The following TUSC3 variants were observed in gnomAD, a reference collection of about 807,000 sequenced individuals.
TUSC3 encodes the protein dolichyl-diphosphooligosaccharide--protein glycosyltransferase subunit TUSC3.
TUSC3 carries 45 observed loss-of-function variants against 44.8 expected under a neutral mutation model. The ratio of observed to expected loss-of-function variants is 1.00; its 90% CI spans 0.79 to 1.29. The LOEUF (loss-of-function observed/expected upper bound fraction) is 1.29. Among genes scored for constraint, TUSC3 ranks in the 50% most tolerant of loss-of-function variants. The pLI is 0.00. For missense variants in TUSC3, 519 were observed against 437.9 expected, an observed-to-expected ratio of 1.19 and a Z score of -1.65; for synonymous variants, 212 against 152.9, an observed-to-expected ratio of 1.39 and a Z score of -2.85.
intron 10 of TUSC3, among the ~76,000 whole-genome samples, chr8:15,759,749 T>G (rs182124984): frequency 2.6e-5 from 4 of 152,150 alleles, no homozygotes; most frequent in African/African-American, 9.7e-5. Context: ...TGAATATACA[T>G]TATCAAGTCC....
chr8:15,487,869 T>C (rs971642205), intron 2 of TUSC3, among the ~76,000 whole-genome samples: 7 of 151,848 alleles, frequency 4.6e-5, no homozygotes, highest in African/African-American at 1.7e-4. Flanking sequence ...TTTACTTTAG[T>C]GTTTTCATTA....
the TUSC3 span, among the ~76,000 whole-genome samples, chr8:15,829,388 C>T: frequency 7.9e-5 from 12 of 152,192 alleles, no homozygotes; most frequent in African/African-American, 2.6e-4. Flanking sequence ...ATGACAGGGG[C>T]CATTTTTTTT....
intron 2 of TUSC3, among the ~76,000 whole-genome samples, chr8:15,485,252 C>G (rs184890151): frequency 2.2e-4 from 33 of 152,296 alleles, no homozygotes; most frequent in Non-Finnish European, 2.8e-4. Context: ...GTGCAGCATT[C>G]TCATTATCAG....
At chr8:15,783,233 TG>T in the TUSC3 span, among the ~76,000 whole-genome samples, 1 of 152,352 alleles carries the variant, frequency 6.6e-6, no homozygotes, top group South Asian at 2.1e-4. Flanking sequence ...ATGTATCCCA[TG>T]TTCATGGATT....
chr8:15,514,855 C>G (rs1034043897), intron 2 of TUSC3, among the ~76,000 whole-genome samples: 9 of 152,182 alleles, frequency 5.9e-5, no homozygotes, highest in Admixed American at 3.3e-4. Flanking sequence ...TCAACTCTCT[C>G]AGCCTCAGAT....
At position 15,698,114 on chromosome 8, in the gene TUSC3, C is replaced by T. The variant is rs193005327; in HGVS notation, c.798+24278C>T. The stretch of plus-strand genomic sequence containing the variant: ...TTTTATTTTATCCCTTAAAATGAAT[C>T]TTAAAAAATACTATTGAAGTTTATA... On this transcript the variant is annotated intron_variant, in intron 6 of 10. Transcript: ENST00000503731. Among the ~76,000 whole-genome samples the T allele has an allele frequency of 1.8e-3, 268 of 152,228 alleles. 3 individuals are homozygous for T. Among genetic ancestry groups the T allele is most frequent in the South Asian group, 5.0e-3 (24 of 4,822 alleles).
chr8:15,606,338 G>A (rs1012236687), intron 1 of TUSC3, among the ~76,000 whole-genome samples: 2 of 151,924 alleles, frequency 1.3e-5, no homozygotes, highest in Non-Finnish European at 2.9e-5. Context: ...TAAGAATATT[G>A]CATATAATAC....
chr8:15,474,927 G>A (rs1443974299), intron 1 of TUSC3, among the ~76,000 whole-genome samples: 1 of 152,130 alleles, frequency 6.6e-6, no homozygotes, highest in Admixed American at 6.5e-5. Flanking sequence ...GCTAATTAAA[G>A]CAATTTCTTA....
chr8:15,542,089 G>C (rs1801712471), intron 1 of TUSC3, among the ~76,000 whole-genome samples: 1 of 151,706 alleles, frequency 6.6e-6, no homozygotes, highest in Admixed American at 6.6e-5. Flanking sequence ...TCAGGGTACA[G>C]CTGGCTTTTA....
chr8:15,759,737 C>G (rs528271377), intron 10 of TUSC3, among the ~76,000 whole-genome samples: 1 of 152,182 alleles, frequency 6.6e-6, no homozygotes, highest in Non-Finnish European at 1.5e-5. Flanking sequence ...ATTTCTCAGT[C>G]CTGAATATAC....
chr8:15,586,090 T>A (rs1803589820), intron 1 of TUSC3, among the ~76,000 whole-genome samples: 1 of 144,514 alleles, frequency 6.9e-6, no homozygotes, highest in East Asian at 2.2e-4. Context: ...ATTTTAAAGA[T>A]GGAATGATTA....
chr8:15,447,165 A>C (rs1800116686), intron 1 of TUSC3, among the ~76,000 whole-genome samples: 1 of 152,178 alleles, frequency 6.6e-6, no homozygotes, highest in Non-Finnish European at 1.5e-5. Flanking sequence ...ATAAAGAAAA[A>C]TATCAAGAAT....
At chr8:15,825,203 T>C in the TUSC3 span, among the ~76,000 whole-genome samples, 2 of 152,076 alleles carry the variant, frequency 1.3e-5, no homozygotes, top group African/African-American at 2.4e-5. Context: ...ACCTACTATG[T>C]TTTAGGCTGT....
At chr8:15,602,387 TACTA>T (rs1804326755) in intron 1 of TUSC3, among the ~76,000 whole-genome samples, 1 of 151,670 alleles carries the variant, frequency 6.6e-6, no homozygotes, top group African/African-American at 2.4e-5. Context: ...TGAGGAAAAA[TACTA>T]AATAAGTTTT....
chr8:15,497,550 G>T (rs1223012943), intron 2 of TUSC3, among the ~76,000 whole-genome samples: 1 of 152,134 alleles, frequency 6.6e-6, no homozygotes, highest in Non-Finnish European at 1.5e-5. Flanking sequence ...CTTCGGAGGG[G>T]TGGCATTTAA....
At chr8:15,768,153 T>C (rs1812379067), downstream of TUSC3, among the ~76,000 whole-genome samples, 1 of 90,944 alleles carries the variant, frequency 1.1e-5, no homozygotes, top group South Asian at 3.3e-4. Context: ...ATTTTTCTTT[T>C]TATCTTTTTT....
At chr8:15,779,682 G>T in the TUSC3 span, among the ~76,000 whole-genome samples, 1 of 152,154 alleles carries the variant, frequency 6.6e-6, no homozygotes, top group African/African-American at 2.4e-5. Context: ...AGTATCAAAA[G>T]TTAGTCTTTT....
chr8:15,547,056 G>T (rs981052397), intron 1 of TUSC3, among the ~76,000 whole-genome samples: 5 of 151,404 alleles, frequency 3.3e-5, no homozygotes, highest in Non-Finnish European at 7.4e-5. Context: ...AATTATTTAT[G>T]GTATATTTAT....
chr8:15,601,135 A>G (rs545893789), intron 1 of TUSC3, among the ~76,000 whole-genome samples: 1 of 151,858 alleles, frequency 6.6e-6, no homozygotes, highest in East Asian at 1.9e-4. Flanking sequence ...GCTTAAGGTT[A>G]GTCTGTTACC....
Sources: allele counts gnomAD v4.1 joint callset (sites outside exome capture counted in the v4.1 genomes callset), GRCh38; gene constraint gnomAD v4.1.1; transcripts MANE v1.5; gene names NCBI Gene and HGNC (gene_info 2026-07-23, HGNC 2026-07-21).